PIK3C2G: variants seen among roughly 807,000 people sequenced by gnomAD.
PIK3C2G encodes the protein phosphatidylinositol-4-phosphate 3-kinase catalytic subunit type 2 gamma.
A neutral mutation model predicts 181.1 loss-of-function variants in PIK3C2G; 168 were observed. The observed-to-expected ratio is 0.93, with a 90% CI of 0.82 to 1.05. The LOEUF (loss-of-function observed/expected upper bound fraction) is 1.05, where lower values mean the gene tolerates loss of function less well. Ranked by LOEUF, PIK3C2G falls within the 50% of genes least tolerant of loss-of-function variation. The probability of loss-of-function intolerance (pLI) is 0.00; values close to 1 mark genes in which losing one functional copy is unlikely to be tolerated. For synonymous variants in PIK3C2G, 573 were observed against 592.2 expected (o/e 0.97, Z 0.47); for missense variants, 1,869 against 1,732.8 (o/e 1.08, Z -1.40).
At chr12:18,662,876 C>T in the PIK3C2G span, among the ~76,000 whole-genome samples, 6 of 152,102 alleles carry the variant, frequency 3.9e-5, no homozygotes, top group African/African-American at 1.4e-4. Context: ...TGAGAAAATA[C>T]TTAAAACATT....
intron 30 of PIK3C2G, among the ~76,000 whole-genome samples, chr12:18,597,377 T>C (rs1947428609): frequency 6.6e-6 from 1 of 152,022 alleles, no homozygotes; most frequent in Non-Finnish European, 1.5e-5. Context: ...GTATCACAAA[T>C]ACATGAAAAT....
chr12:18,272,932 C>T (rs988990742), intron 1 of PIK3C2G, among the ~76,000 whole-genome samples: 3 of 151,880 alleles, frequency 2.0e-5, no homozygotes, highest in Non-Finnish European at 4.4e-5. Flanking sequence ...GCTCATTGTA[C>T]TGAAATGAAC....
intron 5 of PIK3C2G, among the ~76,000 whole-genome samples, chr12:18,296,001 A>T (rs1949923411): frequency 6.6e-6 from 1 of 152,128 alleles, no homozygotes; most frequent in Non-Finnish European, 1.5e-5. Context: ...AATAAGTAAA[A>T]ATTTAGACTC....
chr12:18,497,845 T>A, intron 22 of PIK3C2G, 97 bp downstream of exon 22: 1 of 896,556 alleles, frequency 1.1e-6, no homozygotes, highest in Non-Finnish European at 1.6e-6. Context: ...CGTTTTAAAC[T>A]ACAAGTTTGA....
At chr12:18,425,745 G>A (rs1945770636) in intron 18 of PIK3C2G, among the ~76,000 whole-genome samples, 1 of 152,092 alleles carries the variant, frequency 6.6e-6, no homozygotes, top group Admixed American at 6.6e-5. Context: ...AATGGAGAGA[G>A]AATTGTTTTG....
chr12:18,677,804 T>C, the PIK3C2G span, among the ~76,000 whole-genome samples: 1 of 152,088 alleles, frequency 6.6e-6, no homozygotes, highest in Admixed American at 6.6e-5. Flanking sequence ...TAGATAGATC[T>C]AAAAAATATA....
chr12:18,461,026 C>A (rs555568769), intron 18 of PIK3C2G, among the ~76,000 whole-genome samples: 1 of 151,940 alleles, frequency 6.6e-6, no homozygotes, highest in Non-Finnish European at 1.5e-5. Context: ...GAAGTGTTAG[C>A]CTTTAGTGTA....
chr12:18,434,466 CATAGAATCATAGAA>C (rs1165337859), intron 18 of PIK3C2G, among the ~76,000 whole-genome samples: 1 of 151,808 alleles, frequency 6.6e-6, no homozygotes, highest in African/African-American at 2.4e-5. Context: ...AGAATCATAG[CATAGAATCATAGAA>C]AGAGAATCAT....
chr12:18,457,005 G>A (rs1947663763), intron 18 of PIK3C2G, among the ~76,000 whole-genome samples: 1 of 151,876 alleles, frequency 6.6e-6, no homozygotes. Flanking sequence ...CAATGATCTT[G>A]AAACCATCAA....
chr12:18,419,877 C>T (rs116850969), intron 16 of PIK3C2G, among the ~76,000 whole-genome samples: 1 of 152,048 alleles, frequency 6.6e-6, no homozygotes, highest in South Asian at 2.1e-4. Flanking sequence ...CGGCATAGTT[C>T]CCATTTAACC....
intron 13 of PIK3C2G, among the ~76,000 whole-genome samples, chr12:18,381,272 T>C (rs1294566131): frequency 1.3e-5 from 2 of 152,230 alleles, no homozygotes; most frequent in Non-Finnish European, 2.9e-5. Context: ...CTATTTTTAT[T>C]CTGCAGATCA....
the PIK3C2G span, among the ~76,000 whole-genome samples, chr12:18,669,309 G>C: frequency 1.3e-5 from 2 of 152,124 alleles, no homozygotes; most frequent in South Asian, 2.1e-4. Context: ...TCCATTATAT[G>C]TGTGGTCTCT....
At chr12:18,353,723 G>A (rs200307046) in intron 11 of PIK3C2G, among the ~76,000 whole-genome samples, 1 of 152,284 alleles carries the variant, frequency 6.6e-6, no homozygotes, top group Admixed American at 6.5e-5. Context: ...ATCAGGGGCT[G>A]CCTGAGTAAT....
At chr12:18,685,564 C>A in the PIK3C2G span, 2 of 471,906 alleles carry the variant, frequency 4.2e-6, no homozygotes, top group Non-Finnish European at 8.6e-6. Flanking sequence ...GTCACAAGAG[C>A]ACATTTACCA....
rs138028282 is a variant in PIK3C2G at position 18,504,386 on chromosome 12, C to T, written c.3154-906C>T. On this transcript the variant is annotated intron_variant, in intron 23 of 32. Coordinates refer to ENST00000538779, the MANE Select transcript of PIK3C2G (RefSeq NM_001288772.2). ...GTGGTTACGTTATTTCCAAATACAT[C>T]GCTCTTCACAACCACCATTTGAAGG... Among the ~76,000 whole-genome samples the T allele has an allele frequency of 1.5e-3, 228 of 152,244 alleles. 2 individuals are homozygous for T. Among genetic ancestry groups the T allele is most frequent in the Non-Finnish European group, 2.2e-3 (153 of 68,024 alleles).
the PIK3C2G span, chr12:18,695,044 C>A: frequency 6.2e-7 from 1 of 1,613,098 alleles, no homozygotes; most frequent in Admixed American, 1.7e-5. Flanking sequence ...TTTTGCAGAT[C>A]CATGGGCAGA....
At chr12:18,344,524 G>A (rs746360694) in intron 10 of PIK3C2G, among the ~76,000 whole-genome samples, 1 of 152,090 alleles carries the variant, frequency 6.6e-6, no homozygotes, top group Non-Finnish European at 1.5e-5. Context: ...CTAAGTGGTC[G>A]TATGTGGAGT....
At chr12:18,380,819 T>G (rs1942785655) in intron 13 of PIK3C2G, among the ~76,000 whole-genome samples, 1 of 152,196 alleles carries the variant, frequency 6.6e-6, no homozygotes, top group Non-Finnish European at 1.5e-5. Flanking sequence ...AAAGAAAGCT[T>G]TATTTGTTGA....
downstream of PIK3C2G, among the ~76,000 whole-genome samples, chr12:18,651,991 A>C (rs1482794634): frequency 6.6e-6 from 1 of 152,114 alleles, no homozygotes; most frequent in Non-Finnish European, 1.5e-5. Flanking sequence ...AAAAAAGTAT[A>C]TTTATTATTG....
Sources: gnomAD v4.1 joint callset for allele counts (sites outside exome capture counted in the v4.1 genomes callset) on GRCh38, gnomAD v4.1.1 for gene constraint, MANE v1.5 for transcripts, NCBI Gene and HGNC (gene_info 2026-07-23, HGNC 2026-07-21) for gene names.